SH3BGRL2: variants seen among roughly 807,000 people sequenced by gnomAD.
SH3BGRL2 encodes the protein SH3 domain binding glutamate rich protein like 2.
In SH3BGRL2, 21 loss-of-function variants were observed where a neutral mutation model predicts 14.8. The ratio of observed to expected loss-of-function variants is 1.42; its 90% CI spans 1.01 to 2.05. The LOEUF (loss-of-function observed/expected upper bound fraction) is 2.05, where lower values mean the gene tolerates loss of function less well. SH3BGRL2 is among the 30% of genes most tolerant of loss of function. The pLI is 0.00. For synonymous variants in SH3BGRL2, 50 were observed against 47.8 expected (o/e 1.05, Z -0.19); for missense variants, 147 against 130.8 (o/e 1.12, Z -0.61).
chr6:79,636,876 A>G (rs1054295485), intron 1 of SH3BGRL2, among the ~76,000 whole-genome samples: 1 of 152,118 alleles, frequency 6.6e-6, no homozygotes, highest in Admixed American at 6.5e-5. Context: ...AGCCTACCCT[A>G]ATGATGTCAT....
chr6:79,639,290 T>C (rs1422635112), intron 1 of SH3BGRL2, among the ~76,000 whole-genome samples: 1 of 152,210 alleles, frequency 6.6e-6, no homozygotes, highest in Non-Finnish European at 1.5e-5. Context: ...TATGAAAGTT[T>C]AAAATACTTT....
chr6:79,680,120 T>C (rs1769960939), intron 2 of SH3BGRL2, among the ~76,000 whole-genome samples: 1 of 152,200 alleles, frequency 6.6e-6, no homozygotes, highest in African/African-American at 2.4e-5. Flanking sequence ...CTCTTGTTAC[T>C]TGTACTCTTG....
At chr6:79,581,740 T>A in the SH3BGRL2 span, among the ~76,000 whole-genome samples, 1 of 152,190 alleles carries the variant, frequency 6.6e-6, no homozygotes, top group Non-Finnish European at 1.5e-5. Context: ...AAAACAAGGA[T>A]GCCCTCTCTC....
At chr6:79,605,256 C>A in the SH3BGRL2 span, among the ~76,000 whole-genome samples, 2 of 152,166 alleles carry the variant, frequency 1.3e-5, no homozygotes, top group Non-Finnish European at 2.9e-5. Context: ...TTGACAGCTC[C>A]GGGTGAGCCC....
At chr6:79,678,367 A>G (rs1339013286) in intron 2 of SH3BGRL2, among the ~76,000 whole-genome samples, 1 of 152,196 alleles carries the variant, frequency 6.6e-6, no homozygotes, top group Non-Finnish European at 1.5e-5. Flanking sequence ...CAGATACTTC[A>G]ACTAAGCGGA....
chr6:79,560,357 A>G, the SH3BGRL2 span, among the ~76,000 whole-genome samples: 1 of 152,332 alleles, frequency 6.6e-6, no homozygotes, highest in East Asian at 1.9e-4. Context: ...GTTATTGAAC[A>G]TATAGTAGCA....
the SH3BGRL2 span, chr6:79,561,278 A>G: frequency 6.6e-6 from 1 of 152,110 alleles, no homozygotes; most frequent in Non-Finnish European, 1.5e-5. Flanking sequence ...TTACTATTTT[A>G]ATAATATCTC....
intron 1 of SH3BGRL2, among the ~76,000 whole-genome samples, chr6:79,657,310 G>A (rs1769440475): frequency 6.6e-6 from 1 of 152,186 alleles, no homozygotes; most frequent in Admixed American, 6.5e-5. Context: ...AGTGGGATAG[G>A]AAAGGGACTG....
At chr6:79,587,920 A>G in the SH3BGRL2 span, among the ~76,000 whole-genome samples, 102 of 151,728 alleles carry the variant, frequency 6.7e-4, no homozygotes, top group Middle Eastern at 3.4e-3. Context: ...TCATGCCTGT[A>G]ATCCCAGCAC....
At chr6:79,562,715 T>C in the SH3BGRL2 span, among the ~76,000 whole-genome samples, 13 of 152,342 alleles carry the variant, frequency 8.5e-5, no homozygotes, top group East Asian at 3.9e-4. Context: ...GTCTGATCTT[T>C]TGGCTTCTCT....
chr6:79,551,256 T>C, the SH3BGRL2 span, among the ~76,000 whole-genome samples: 1 of 152,178 alleles, frequency 6.6e-6, no homozygotes, highest in Non-Finnish European at 1.5e-5. Context: ...TATTGAATTA[T>C]AAAACCTCAC....
the SH3BGRL2 span, among the ~76,000 whole-genome samples, chr6:79,595,273 A>G: frequency 6.6e-6 from 1 of 152,142 alleles, no homozygotes; most frequent in Non-Finnish European, 1.5e-5. Flanking sequence ...GTGGGCAACA[A>G]GAGAGAAACA....
the SH3BGRL2 span, among the ~76,000 whole-genome samples, chr6:79,579,698 C>G: frequency 1.3e-5 from 2 of 152,114 alleles, no homozygotes; most frequent in African/African-American, 4.8e-5. Context: ...CAAAAACATG[C>G]CAAATTGTAA....
the SH3BGRL2 span, among the ~76,000 whole-genome samples, chr6:79,556,069 A>C: frequency 4.3e-5 from 5 of 115,386 alleles, no homozygotes; most frequent in African/African-American, 7.3e-5. Flanking sequence ...AGTGAATTTA[A>C]GAAGTATAAA....
the SH3BGRL2 span, among the ~76,000 whole-genome samples, chr6:79,597,910 A>C: frequency 1.3e-5 from 2 of 152,240 alleles, no homozygotes; most frequent in Admixed American, 6.5e-5. Context: ...ACTATTTGAC[A>C]ATAAAGAGAC....
intron 1 of SH3BGRL2, among the ~76,000 whole-genome samples, chr6:79,651,081 A>G (rs999118034): frequency 6.6e-6 from 1 of 152,138 alleles, no homozygotes; most frequent in African/African-American, 2.4e-5. Flanking sequence ...GGACTGACTG[A>G]TACAGAAATG....
intron 2 of SH3BGRL2, among the ~76,000 whole-genome samples, chr6:79,689,180 T>A (rs1483986383): frequency 6.6e-6 from 1 of 152,152 alleles, no homozygotes; most frequent in Non-Finnish European, 1.5e-5. Context: ...TTTTTCAAGC[T>A]AATTACCAAA....
the SH3BGRL2 span, among the ~76,000 whole-genome samples, chr6:79,576,089 T>C: frequency 6.6e-6 from 1 of 152,166 alleles, no homozygotes; most frequent in Non-Finnish European, 1.5e-5. Context: ...CCCTAAACAA[T>C]GCAAGGACCT....
chr6:79,548,759 C>G, the SH3BGRL2 span, among the ~76,000 whole-genome samples: 1 of 152,124 alleles, frequency 6.6e-6, no homozygotes, highest in Admixed American at 6.5e-5. Context: ...TACTCCTCAT[C>G]GTCAGCTTTT....
Sources: allele counts gnomAD v4.1 joint callset (sites outside exome capture counted in the v4.1 genomes callset), GRCh38; gene constraint gnomAD v4.1.1; transcripts MANE v1.5; gene names NCBI Gene and HGNC (gene_info 2026-07-23, HGNC 2026-07-21).